CDH6: variants seen among roughly 807,000 people sequenced by gnomAD.
CDH6 encodes cadherin-6.
A neutral mutation model predicts 78.0 loss-of-function variants in CDH6; 31 were observed. That is an observed-to-expected ratio of 0.40 (90% CI 0.30 to 0.54). CDH6 has a LOEUF of 0.54. Among genes scored for constraint, CDH6 ranks in the 20% least tolerant of loss-of-function variants. The pLI is 0.56. For missense variants in CDH6, 724 were observed against 975.9 expected (o/e 0.74, Z 3.44); for synonymous variants, 376 against 368.8 (o/e 1.02, Z -0.23).
At chr5:31,251,068 T>A (rs1741894918) in intron 1 of CDH6, 1 of 152,288 alleles carries the variant, frequency 6.6e-6, no homozygotes, top group Non-Finnish European at 1.5e-5. Flanking sequence ...TCTAGGCCAC[T>A]TTCCTGGACA....
chr5:31,320,383 A>G (rs537644149), intron 11 of CDH6, among the ~76,000 whole-genome samples: 39 of 152,292 alleles, frequency 2.6e-4, no homozygotes, highest in Middle Eastern at 3.4e-3. Context: ...ACTAAAATAA[A>G]AGCTATAGAT....
At chr5:31,263,733 A>G (rs1234714264) in intron 1 of CDH6, among the ~76,000 whole-genome samples, 4 of 152,166 alleles carry the variant, frequency 2.6e-5, no homozygotes, top group Non-Finnish European at 4.4e-5. Context: ...ATACTGCCAC[A>G]TGGGGGATTA....
intron 1 of CDH6, among the ~76,000 whole-genome samples, chr5:31,231,926 A>G (rs1215658509): frequency 6.6e-6 from 1 of 152,202 alleles, no homozygotes; most frequent in Admixed American, 6.5e-5. Flanking sequence ...AAAAATATTC[A>G]CTTAAGGAGT....
intron 1 of CDH6, among the ~76,000 whole-genome samples, chr5:31,241,480 GCTTT>G (rs1347144741): frequency 1.3e-5 from 2 of 152,252 alleles, no homozygotes; most frequent in Non-Finnish European, 2.9e-5. Context: ...CTTTTAAGGG[GCTTT>G]CTATTAGTTG....
chr5:31,287,847 G>C (rs1042038728), intron 2 of CDH6, among the ~76,000 whole-genome samples: 1 of 152,210 alleles, frequency 6.6e-6, no homozygotes, highest in African/African-American at 2.4e-5. Flanking sequence ...TCCAGGGACC[G>C]CACTTTGAGA....
intron 1 of CDH6, among the ~76,000 whole-genome samples, chr5:31,222,486 A>G (rs895345619): frequency 6.6e-6 from 1 of 152,178 alleles, no homozygotes; most frequent in Non-Finnish European, 1.5e-5. Flanking sequence ...AAAACTTTCC[A>G]AAGGAATATA....
chr5:31,218,269 CTCAA>C lies in CDH6; in HGVS notation c.-129+24387_-129+24390del, dbSNP rs765660516. Among the ~76,000 whole-genome samples, 4 of 152,042 alleles carry C rather than the reference CTCAA, an allele frequency of 2.6e-5. No individual in the cohort carries two copies. In the East Asian group the frequency reaches 7.7e-4, roughly 29 times the overall value. On this transcript the variant is annotated intron_variant, in intron 1 of 11. Transcript: ENST00000265071. The stretch of plus-strand genomic sequence containing the variant: ...AAAAACAGAAAAAAAGGACACAATG[CTCAA>C]TCATTGTATTTAAAATTATAGCCAA...
At chr5:31,321,267 C>T (rs1322128822) in intron 11 of CDH6, among the ~76,000 whole-genome samples, 4 of 140,580 alleles carry the variant, frequency 2.8e-5, no homozygotes, top group African/African-American at 1.1e-4. Context: ...TTGCATCAAA[C>T]AAGGCATCAG....
intron 1 of CDH6, among the ~76,000 whole-genome samples, chr5:31,258,825 G>T (rs894851348): frequency 5.9e-5 from 9 of 152,022 alleles, no homozygotes; most frequent in Non-Finnish European, 1.0e-4. Context: ...AATTCATGAA[G>T]ACTCAATTCT....
intron 1 of CDH6, among the ~76,000 whole-genome samples, chr5:31,199,655 ATG>A (rs1309990298): frequency 9.8e-5 from 10 of 102,512 alleles, no homozygotes; most frequent in South Asian, 3.8e-4. Flanking sequence ...GTGTGTGTGT[ATG>A]TGTGTGTGTG....
intron 1 of CDH6, among the ~76,000 whole-genome samples, chr5:31,228,709 C>G (rs1018580268): frequency 6.6e-6 from 1 of 152,206 alleles, no homozygotes; most frequent in East Asian, 1.9e-4. Flanking sequence ...CTCACATGCG[C>G]AGTTCACAAT....
chr5:31,259,602 C>T (rs528192433), intron 1 of CDH6, among the ~76,000 whole-genome samples: 1 of 152,206 alleles, frequency 6.6e-6, no homozygotes, highest in Non-Finnish European at 1.5e-5. Flanking sequence ...TAATATGAAA[C>T]CCAGTCTTTC....
intron 1 of CDH6, among the ~76,000 whole-genome samples, chr5:31,203,239 T>A (rs1409778404): frequency 1.5e-5 from 2 of 134,092 alleles, no homozygotes; most frequent in Non-Finnish European, 3.2e-5. Flanking sequence ...GGTCCTTTTT[T>A]TTTTTTATTT....
At chr5:31,302,546 CTG>C in intron 6 of CDH6, 1 of 318,500 alleles carries the variant, frequency 3.1e-6, no homozygotes, top group Non-Finnish European at 5.9e-6. Context: ...AAACCTATCT[CTG>C]TTAAAAATAC....
Position 31,292,078 on chromosome 5 carries a change from T to A in CDH6, c.229-1884T>A, listed in dbSNP as rs1049540960. On this transcript the variant is annotated intron_variant, in intron 2 of 11. Transcript: ENST00000265071. ...GCCTCTTCCTGCGCTCAAGAGTTAA[T>A]CTTCAGACTCTTTTCCCATGAGCTG... Among the ~76,000 whole-genome samples, 8 of 152,310 alleles carry A rather than the reference T, an allele frequency of 5.3e-5. No homozygotes were observed. The East Asian group carries it at 1.4e-3, about 26-fold the overall frequency.
At chr5:31,307,719 C>T (rs1738026216) in intron 7 of CDH6, among the ~76,000 whole-genome samples, 1 of 152,144 alleles carries the variant, frequency 6.6e-6, no homozygotes, top group African/African-American at 2.4e-5. Context: ...AGTGTTAATG[C>T]TAGAAGTTTA....
At position 31,323,450 on chromosome 5, in the gene CDH6, T is replaced by TA. The variant is rs1738529909; in HGVS notation, c.*143dup. 2.1e-6 allele frequency: 2 copies of TA among 967,836 alleles called. No individual in the cohort carries two copies. Among genetic ancestry groups the TA allele is most frequent in the South Asian group, 1.8e-5 (1 of 54,452 alleles). The allele number at this position is 967,836 out of a possible 1,614,324, so 60.0% of individuals were successfully genotyped here. A position where few individuals can be genotyped will look rare whatever the true frequency, so the allele number is the denominator to read the frequency against. On this transcript the variant is annotated 3_prime_UTR_variant, in exon 12 of 12. Transcript: ENST00000265071. The stretch of plus-strand genomic sequence containing the variant: ...GCTGCAGTCCGTGTGGATCCAATGT[T>TA]AGAGACTTTTTTCTAGTACACTTTT...
rs923677746 is a variant in CDH6, at chr5:31,246,506, G to A, written c.-128-20840G>A. Among the ~76,000 whole-genome samples the A allele has an allele frequency of 2.0e-4, 30 of 152,244 alleles. No individual in the cohort carries two copies. In the South Asian group the frequency reaches 2.7e-3, roughly 14 times the overall value. On this transcript the variant is annotated intron_variant, in intron 1 of 11. Transcript: ENST00000265071. Reference sequence around the variant, plus strand: ...ACAGTAGAAAGCAGGGTTTACAGACGTCTATGTTATCTGGTGTTTCTCCAG... The same window carrying A: ...ACAGTAGAAAGCAGGGTTTACAGACATCTATGTTATCTGGTGTTTCTCCAG...
chr5:31,244,759 G>T (rs1320811308), intron 1 of CDH6, among the ~76,000 whole-genome samples: 1 of 152,168 alleles, frequency 6.6e-6, no homozygotes, highest in Non-Finnish European at 1.5e-5. Flanking sequence ...GTCTTGAAAT[G>T]CCTGGGACCT....
Sources: gnomAD v4.1 joint callset for allele counts (sites outside exome capture counted in the v4.1 genomes callset) on GRCh38, gnomAD v4.1.1 for gene constraint, MANE v1.5 for transcripts, NCBI Gene and HGNC (gene_info 2026-07-23, HGNC 2026-07-21) for gene names.